The following ATP8A1 variants were observed in gnomAD, a reference collection of about 807,000 sequenced individuals.
ATP8A1 encodes phospholipid-transporting ATPase IA.
ATP8A1 carries 90 observed loss-of-function variants against 177.7 expected under a neutral mutation model. The ratio of observed to expected loss-of-function variants is 0.51; its 90% confidence interval spans 0.43 to 0.60. ATP8A1 has a LOEUF of 0.60. Ranked by LOEUF, ATP8A1 falls within the 20% of genes least tolerant of loss-of-function variation. The probability of loss-of-function intolerance (pLI) is 0.00; values close to 1 mark genes in which losing one functional copy is unlikely to be tolerated. For missense variants in ATP8A1, 1,072 were observed against 1,392.8 expected, an observed-to-expected ratio of 0.77 and a Z score of 3.67; for synonymous variants, 493 against 485.9, an observed-to-expected ratio of 1.01 and a Z score of -0.19.
intron 25 of ATP8A1, among the ~76,000 whole-genome samples, chr4:42,478,139 G>C (rs1422651562): frequency 1.3e-5 from 2 of 152,002 alleles, no homozygotes; most frequent in African/African-American, 4.8e-5. Flanking sequence ...TGGATCCCTT[G>C]AGCTCAGGAG....
intron 33 of ATP8A1, among the ~76,000 whole-genome samples, chr4:42,435,543 C>T (rs1715889989): frequency 6.6e-6 from 1 of 151,510 alleles, no homozygotes; most frequent in South Asian, 2.1e-4. Flanking sequence ...TATTTCTGGC[C>T]TGTCATTCAA....
intron 6 of ATP8A1, among the ~76,000 whole-genome samples, chr4:42,596,310 C>T (rs910221948): frequency 3.2e-4 from 49 of 152,310 alleles, no homozygotes; most frequent in African/African-American, 1.1e-3. Flanking sequence ...TGAAGTCACT[C>T]ATATTTGCAA....
At chr4:42,507,834 C>T (rs1216248140) in intron 22 of ATP8A1, among the ~76,000 whole-genome samples, 3 of 117,192 alleles carry the variant, frequency 2.6e-5, no homozygotes, top group Admixed American at 1.0e-4. Flanking sequence ...TGGGAGACTA[C>T]CATAGTGAAG....
At chr4:42,641,873 C>T (rs946197850) in intron 1 of ATP8A1, among the ~76,000 whole-genome samples, 5 of 152,176 alleles carry the variant, frequency 3.3e-5, no homozygotes, top group Admixed American at 1.3e-4. Context: ...AGCAGAAACA[C>T]CCAAATAACA....
intron 1 of ATP8A1, among the ~76,000 whole-genome samples, chr4:42,651,527 A>C (rs1300444918): frequency 6.6e-6 from 1 of 152,226 alleles, no homozygotes; most frequent in African/African-American, 2.4e-5. Flanking sequence ...TGCACTGCTC[A>C]ATAACCATAC....
intron 23 of ATP8A1, among the ~76,000 whole-genome samples, chr4:42,505,486 T>A (rs1724274755): frequency 6.6e-6 from 1 of 152,220 alleles, no homozygotes; most frequent in Non-Finnish European, 1.5e-5. Context: ...CCAATTTCAA[T>A]ATGTTCTGCA....
At chr4:42,539,992 C>G (rs1178120867) in intron 20 of ATP8A1, among the ~76,000 whole-genome samples, 2 of 152,034 alleles carry the variant, frequency 1.3e-5, no homozygotes, top group South Asian at 4.1e-4. Flanking sequence ...AAACAATCAA[C>G]AGAGTGAAGA....
At chr4:42,492,109 G>A (rs1206491786) in intron 24 of ATP8A1, among the ~76,000 whole-genome samples, 1 of 152,144 alleles carries the variant, frequency 6.6e-6, no homozygotes, top group Non-Finnish European at 1.5e-5. Context: ...GTGTCTATCA[G>A]TAAGACTAAC....
intron 24 of ATP8A1, among the ~76,000 whole-genome samples, chr4:42,490,999 T>C (rs2153190445): frequency 1.3e-5 from 2 of 152,326 alleles, no homozygotes; most frequent in South Asian, 4.1e-4. Flanking sequence ...GAAGTTAAAG[T>C]GGTTTTCTTG....
intron 4 of ATP8A1, among the ~76,000 whole-genome samples, chr4:42,622,249 G>T (rs2109474277): frequency 6.6e-6 from 1 of 152,008 alleles, no homozygotes; most frequent in Admixed American, 6.5e-5. Flanking sequence ...GGGAATGGTG[G>T]TGGGAGCCTG....
intron 20 of ATP8A1, among the ~76,000 whole-genome samples, chr4:42,534,820 A>G (rs531490201): frequency 2.6e-5 from 4 of 152,332 alleles, no homozygotes; most frequent in Non-Finnish European, 4.4e-5. Flanking sequence ...TTCTCAGCAG[A>G]AACCCTGCAA....
intron 20 of ATP8A1, among the ~76,000 whole-genome samples, chr4:42,541,787 A>C (rs898910559): frequency 1.3e-5 from 2 of 152,212 alleles, no homozygotes; most frequent in African/African-American, 2.4e-5. Context: ...ATACCATATC[A>C]TTCTAACTAT....
intron 5 of ATP8A1, among the ~76,000 whole-genome samples, chr4:42,601,128 C>T (rs188185394): frequency 1.8e-3 from 276 of 151,252 alleles, no homozygotes; most frequent in Middle Eastern, 3.5e-3. Flanking sequence ...CTCCGCCTCC[C>T]AGGTTCAAGC....
intron 7 of ATP8A1, among the ~76,000 whole-genome samples, chr4:42,589,676 T>C (rs1436717546): frequency 1.3e-5 from 2 of 152,198 alleles, no homozygotes. Context: ...ACTGTCACAA[T>C]AGCAATTTGG....
chr4:42,615,582 C>T lies in ATP8A1; in HGVS notation c.409+451G>A, dbSNP rs957828066. ...TGCCATGCACTGTACAGAAGCAGGC[C>T]GGGTTGTATTTGTTTTATTTCTGGA... On this transcript the variant is annotated intron_variant, in intron 5 of 36. Coordinates refer to ENST00000381668, the MANE Select transcript of ATP8A1 (RefSeq NM_006095.2). 9.2e-5 allele frequency among the ~76,000 whole-genome samples: 14 copies of T among 152,030 alleles called. No individual in the cohort carries two copies. The East Asian group carries it at 9.6e-4, about 10-fold the overall frequency.
chr4:42,415,346 GGAAAGTATTTTTCA>G (rs1713115946), intron 35 of ATP8A1, among the ~76,000 whole-genome samples: 1 of 152,024 alleles, frequency 6.6e-6, no homozygotes, highest in Admixed American at 6.5e-5. Context: ...GAAATAACAA[GGAAAGTATTTTTCA>G]GGAAGTGTTT....
chr4:42,531,881 G>C (rs1487562212), intron 20 of ATP8A1, among the ~76,000 whole-genome samples: 3 of 152,102 alleles, frequency 2.0e-5, no homozygotes, highest in Admixed American at 2.0e-4. Flanking sequence ...CAGTTTGGGA[G>C]GCTGAGGTAG....
At chr4:42,599,101 G>A (rs989797167) in intron 6 of ATP8A1, among the ~76,000 whole-genome samples, 1 of 152,092 alleles carries the variant, frequency 6.6e-6, no homozygotes, top group Non-Finnish European at 1.5e-5. Context: ...TTGAAATAAT[G>A]ATTGTTTATT....
intron 25 of ATP8A1, among the ~76,000 whole-genome samples, chr4:42,475,491 C>CAA (rs10655191): frequency 0.067 from 8,854 of 132,502 alleles, 834 homozygotes; most frequent in African/African-American, 0.22. Flanking sequence ...AAATATCAGA[C>CAA]AAAAAAAAAA....
Sources: allele counts gnomAD v4.1 joint callset (sites outside exome capture counted in the v4.1 genomes callset), GRCh38; gene constraint gnomAD v4.1.1; transcripts MANE v1.5; gene names NCBI Gene and HGNC (gene_info 2026-07-23, HGNC 2026-07-21).